Variants in KIF3A observed in about 807,000 individuals in gnomAD.
The protein encoded by KIF3A is kinesin-like protein KIF3A.
A neutral mutation model predicts 92.6 loss-of-function variants in KIF3A; 27 were observed. The ratio of observed to expected loss-of-function variants is 0.29; its 90% CI spans 0.21 to 0.40. The LOEUF (loss-of-function observed/expected upper bound fraction) is 0.40. Among genes scored for constraint, KIF3A ranks in the 10% least tolerant of loss-of-function variants. KIF3A has a pLI of 1.00. For missense variants in KIF3A, 581 were observed against 872.6 expected, an observed-to-expected ratio of 0.67 and a Z score of 4.21; for synonymous variants, 250 against 275.4, an observed-to-expected ratio of 0.91 and a Z score of 0.92.
chr5:132,697,087 A>G (rs1261229314), intron 18 of KIF3A, among the ~76,000 whole-genome samples: 2 of 152,254 alleles, frequency 1.3e-5, no homozygotes, highest in Non-Finnish European at 2.9e-5. Context: ...TACCTGATGC[A>G]TATGTAGGGA....
chr5:132,735,328 G>GC (rs1267668164), intron 1 of KIF3A, among the ~76,000 whole-genome samples: 1 of 152,072 alleles, frequency 6.6e-6, no homozygotes, highest in Non-Finnish European at 1.5e-5. Context: ...ACCCACCTCG[G>GC]CCTCCCAAAG....
chr5:132,734,061 G>A (rs1754316249), intron 2 of KIF3A, 144 bp downstream of exon 2: 4 of 685,910 alleles, frequency 5.8e-6, no homozygotes, highest in Non-Finnish European at 7.1e-6. Context: ...TGACAAGGGT[G>A]TTCTAAAGCT....
chr5:132,737,528 C>T lies in KIF3A; in HGVS notation c.-109G>A, dbSNP rs944055631. 90 of 1,297,758 alleles carry T rather than the reference C, an allele frequency of 6.9e-5. No homozygotes were observed. In the Middle Eastern group the frequency reaches 1.7e-3, roughly 24 times the overall value. The allele number at this position is 1,297,758 out of a possible 1,614,324, so 80.4% of individuals were successfully genotyped here. ...ACTACCGAAACACCTCGTTGACGCT[C>T]TCGAGACTGCGGCTTCTCGGGCGAG... On this transcript the variant is annotated 5_prime_UTR_variant, in exon 1 of 19. Transcript: ENST00000403231.
chr5:132,737,434 G>A lies in KIF3A; in HGVS notation c.-15C>T. 2 of 1,603,944 alleles carry A rather than the reference G, an allele frequency of 1.2e-6. No homozygotes were observed. Among genetic ancestry groups the A allele is most frequent in the Non-Finnish European group, 1.7e-6 (2 of 1,175,688 alleles). ...CTCACCGGCATCTTGGCCCCCTCCC[G>A]TGCCCGGCGGACGTCCCCGCCCGGG... is the stretch of plus-strand genomic sequence containing the variant. On this transcript the variant is annotated 5_prime_UTR_variant, in exon 1 of 19. In the 5' UTR this introduces an upstream ATG that the reference lacks. Coordinates refer to ENST00000403231, the MANE Select transcript of KIF3A (RefSeq NM_001300791.2).
In KIF3A at chr5:132,703,421, G is replaced by T. The variant is rs781706500; in HGVS notation, c.1466+42C>A. The T allele has an allele frequency of 5.3e-6, 8 of 1,520,326 alleles. No individual in the cohort carries two copies. In the Admixed American group the frequency reaches 1.6e-4, roughly 30 times the overall value. 94.2% of individuals were successfully genotyped at this position (1,520,326 alleles called of 1,614,324 possible). On this transcript the variant is annotated intron_variant, in intron 12 of 18. Coordinates refer to ENST00000403231, the MANE Select transcript of KIF3A (RefSeq NM_001300791.2). ...ATTTTATATATCCTAGGAAAAAACA[G>T]AAATTTAAATCATGAATTCATCTCA...
At chr5:132,736,146 CTTAT>C (rs1754382348) in intron 1 of KIF3A, among the ~76,000 whole-genome samples, 1 of 152,214 alleles carries the variant, frequency 6.6e-6, no homozygotes, top group African/African-American at 2.4e-5. Flanking sequence ...TTGCTTGTTC[CTTAT>C]TTGATTAATG....
intron 2 of KIF3A, among the ~76,000 whole-genome samples, chr5:132,731,373 C>G (rs1238733312): frequency 6.6e-6 from 1 of 151,964 alleles, no homozygotes; most frequent in Non-Finnish European, 1.5e-5. Context: ...ATGTAATTGA[C>G]CATATTAACA....
chr5:132,694,442 T>C lies in KIF3A; in HGVS notation c.*2192A>G, dbSNP rs1488570861. The C allele has an allele frequency of 6.6e-6, 1 of 152,308 alleles. No homozygotes were observed. Among genetic ancestry groups the C allele is most frequent in the Non-Finnish European group, 1.5e-5 (1 of 68,038 alleles). The allele number at this position is 152,308 out of a possible 1,614,324, so 9.4% of individuals were successfully genotyped here. On this transcript the variant is annotated 3_prime_UTR_variant, in exon 19 of 19. Coordinates refer to ENST00000403231, the MANE Select transcript of KIF3A (RefSeq NM_001300791.2). Reference sequence around the variant, plus strand: ...GCTTTTAGAACTTCTCAATTGACTTTTTATAGATCGGCTTTTTATTTTGAC... The same window carrying C: ...GCTTTTAGAACTTCTCAATTGACTTCTTATAGATCGGCTTTTTATTTTGAC...
downstream of KIF3A, chr5:132,689,835 G>GT (rs1752621508): frequency 6.6e-6 from 1 of 152,138 alleles, no homozygotes; most frequent in Admixed American, 6.5e-5. Context: ...CTACACACAG[G>GT]TAAGAGTTTT....
At position 132,711,046 on chromosome 5, in the gene KIF3A, A is replaced by G; in HGVS notation, c.1141T>C (p.Ser381Pro). 1 of 1,611,326 alleles carries G rather than the reference A, an allele frequency of 6.2e-7. No homozygotes were observed. The highest frequency in any genetic ancestry group is 8.5e-7 in the Non-Finnish European group (1 of 1,177,522). The change falls in exon 9 of 19, where the codon TCA (serine) becomes CCA (proline). Residue 381 changes from serine to proline, a missense_variant. Coordinates refer to ENST00000403231, the MANE Select transcript of KIF3A (RefSeq NM_001300791.2). ...TCTGACCCACTGATATCAGAGCCTG[A>G]TATTTCTTCTCCTTGGACAGAAATT... ...KKKLEEGEEI[S>P]GSDISGSEED... is the part of the protein sequence containing the mutation.
At chr5:132,713,392 G>A (rs1367960518) in intron 8 of KIF3A, among the ~76,000 whole-genome samples, 4 of 152,102 alleles carry the variant, frequency 2.6e-5, no homozygotes, top group African/African-American at 9.7e-5. Flanking sequence ...AGGTGAAGCT[G>A]GGTGAAGGGT....
rs560363231 is a variant in KIF3A at position 132,723,360 on chromosome 5, C to G, written c.511-2646G>C. On this transcript the variant is annotated intron_variant, in intron 4 of 18. Transcript: ENST00000403231. ...TTGCCAAGTCAATTCTAAGCCAAAA[C>G]AACAAAGCTGGAGGCATCACACTAC... 10 of 152,208 alleles carry G rather than the reference C, an allele frequency of 6.6e-5. No homozygotes were observed. In the East Asian group the frequency reaches 1.9e-3, roughly 29 times the overall value. The allele number at this position is 152,208 out of a possible 1,614,324, so 9.4% of individuals were successfully genotyped here.
Position 132,708,952 on chromosome 5 carries a change from A to C in KIF3A, c.1255T>G (p.Ser419Ala). The change falls in exon 10 of 19, where the codon TCC (serine) becomes GCC (alanine). Residue 419 changes from serine (S) to alanine (A), a missense_variant. By Grantham distance (99) the Ser-to-Ala change is moderately conservative (BLOSUM62 1). This residue lies in a region of KIF3A where 167 missense variants were observed against 205.8 expected (regional missense o/e 0.81). Transcript: ENST00000403231. ...RGSSSSSSSD[S>A]TCSVIEKPLD... ...GGTTTCTCTATGACAGAACATGTGG[A>C]GTCTGAACTACTGCTGCTGCTACTG... 1.3e-6 allele frequency: 2 copies of C among 1,550,364 alleles called. No individual in the cohort carries two copies. The highest frequency in any genetic ancestry group is 1.7e-6 in the Non-Finnish European group (2 of 1,146,812).
chr5:132,724,997 T>C (rs79934366), intron 4 of KIF3A, among the ~76,000 whole-genome samples: 1 of 149,906 alleles, frequency 6.7e-6, no homozygotes, highest in Admixed American at 6.6e-5. Flanking sequence ...AAAAAAACTT[T>C]CCTAAAATAA....
intron 2 of KIF3A, among the ~76,000 whole-genome samples, chr5:132,732,413 A>G (rs982801252): frequency 2.0e-5 from 3 of 152,250 alleles, no homozygotes; most frequent in African/African-American, 7.2e-5. Context: ...GAAACAACAA[A>G]TGTTCACCAA....
intron 17 of KIF3A, among the ~76,000 whole-genome samples, 190 bp downstream of exon 17, chr5:132,700,026 A>T (rs1348951556): frequency 2.6e-5 from 4 of 152,114 alleles, no homozygotes; most frequent in Non-Finnish European, 5.9e-5. Flanking sequence ...TGACATCAAG[A>T]CTGATGGTAA....
At chr5:132,707,909 G>A (rs944649417) in intron 10 of KIF3A, among the ~76,000 whole-genome samples, 15 of 152,106 alleles carry the variant, frequency 9.9e-5, no homozygotes, top group African/African-American at 3.1e-4. Context: ...TTTAACAAAA[G>A]CCTTTAAGTT....
chr5:132,712,626 A>G (rs868713643), intron 8 of KIF3A, among the ~76,000 whole-genome samples: 3 of 152,354 alleles, frequency 2.0e-5, no homozygotes, highest in Middle Eastern at 3.4e-3. Context: ...GTATGACAAG[A>G]AACAGGACCT....
chr5:132,716,530 A>T, intron 6 of KIF3A, 88 bp from the exon 7 acceptor site: 1 of 1,127,906 alleles, frequency 8.9e-7, no homozygotes, highest in South Asian at 1.5e-5. Flanking sequence ...GTAATGTAAC[A>T]GTAAAAAACC....
Sources: allele counts gnomAD v4.1 joint callset (sites outside exome capture counted in the v4.1 genomes callset), GRCh38; gene constraint gnomAD v4.1.1; regional missense constraint gnomAD v4.1.1; transcripts MANE v1.5; gene names NCBI Gene and HGNC (gene_info 2026-07-23, HGNC 2026-07-21).